Variants in ZNF622 observed in about 807,000 individuals in gnomAD.
ZNF622 encodes cytoplasmic 60S subunit biogenesis factor ZNF622.
In ZNF622, 34 loss-of-function variants were observed where a neutral mutation model predicts 49.7. The ratio of observed to expected loss-of-function variants is 0.68; its 90% confidence interval spans 0.52 to 0.91. The LOEUF (loss-of-function observed/expected upper bound fraction) is 0.91, where lower values mean the gene tolerates loss of function less well. Among genes scored for constraint, ZNF622 ranks in the 40% least tolerant of loss-of-function variants. The pLI is 0.00. For missense variants in ZNF622, 569 were observed against 616.4 expected, an observed-to-expected ratio of 0.92 and a Z score of 0.81; for synonymous variants, 209 against 228.7, an observed-to-expected ratio of 0.91 and a Z score of 0.78.
chr5:16,458,072 G>C (rs1170465927), intron 4 of ZNF622, among the ~76,000 whole-genome samples: 2 of 151,824 alleles, frequency 1.3e-5, no homozygotes, highest in East Asian at 3.9e-4. Context: ...CATACCTCAT[G>C]GTGGCTAAAT....
intron 1 of ZNF622, among the ~76,000 whole-genome samples, 166 bp downstream of exon 1, chr5:16,464,875 C>T (rs1738186991): frequency 6.6e-6 from 1 of 152,210 alleles, no homozygotes; most frequent in African/African-American, 2.4e-5. Flanking sequence ...ACAGCCAAAC[C>T]TGCTGGCCAG....
Position 16,451,716 on chromosome 5 carries a change from T to C in ZNF622, c.1375A>G (p.Thr459Ala). Residue 459 changes from threonine (T) to alanine (A), a missense_variant, in exon 6 of 6, where the codon ACA becomes GCA. By Grantham distance (58) the Thr-to-Ala change is moderately conservative. Transcript: ENST00000308683. Reference sequence around the variant, plus strand: ...TTGGTGGCATTGTTCTTCATTCCTGTCTTCAGCATCCATTTTGATTTCATC... The same window carrying C: ...TTGGTGGCATTGTTCTTCATTCCTGCCTTCAGCATCCATTTTGATTTCATC... The part of the protein sequence containing the change: ...QRMKSKWMLK[T>A]GMKNNATKQM... The C allele has an allele frequency of 1.2e-6, 2 of 1,614,188 alleles. No homozygotes were observed. The highest frequency in any genetic ancestry group is 2.2e-5 in the East Asian group (1 of 44,878).
At chr5:16,460,838 G>A (rs1170601148) in intron 3 of ZNF622, among the ~76,000 whole-genome samples, 1 of 152,094 alleles carries the variant, frequency 6.6e-6, no homozygotes, top group African/African-American at 2.4e-5. Context: ...CTGGACTAAG[G>A]GAGAACCGTT....
intron 4 of ZNF622, among the ~76,000 whole-genome samples, chr5:16,457,419 T>C (rs1471331627): frequency 6.6e-6 from 1 of 152,128 alleles, no homozygotes; most frequent in Non-Finnish European, 1.5e-5. Context: ...CTAGAAAAGG[T>C]TCTCTGGGAT....
At chr5:16,454,958 G>C (rs1477676922) in intron 4 of ZNF622, among the ~76,000 whole-genome samples, 1 of 152,172 alleles carries the variant, frequency 6.6e-6, no homozygotes, top group Non-Finnish European at 1.5e-5. Flanking sequence ...CTCCAAAGGT[G>C]GTCATCAGCA....
Position 16,453,148 on chromosome 5 carries a change from C to A in ZNF622, c.1171G>T (p.Val391Leu). 1 of 1,501,908 alleles carries A rather than the reference C, an allele frequency of 6.7e-7. No homozygotes were observed. Among genetic ancestry groups the A allele is most frequent in the Admixed American group, 2.1e-5 (1 of 46,740 alleles). 93.0% of individuals were successfully genotyped at this position (1,501,908 alleles called of 1,614,324 possible). Reference protein sequence around the residue: ...MELILPSGARVGHRSLMRYYK... With the variant: ...MELILPSGARLGHRSLMRYYK... ...TATCTCATCAAGGAGCGATGACCCA[C>A]TCTGGCACCTGTTTTTCAAAAGAGC... The change falls in exon 5 of 6, where the codon GTG becomes TTG. Residue 391 changes from valine to leucine, a missense_variant. Coordinates refer to ENST00000308683, the MANE Select transcript of ZNF622 (RefSeq NM_033414.3).
chr5:16,464,543 G>T (rs1328241687), intron 1 of ZNF622, among the ~76,000 whole-genome samples: 3 of 152,228 alleles, frequency 2.0e-5, no homozygotes, highest in African/African-American at 7.2e-5. Context: ...GATGTGGGAT[G>T]AGGGAAGTAA....
At chr5:16,453,602 T>TATATAC (rs61226771) in intron 4 of ZNF622, among the ~76,000 whole-genome samples, 4 of 128,678 alleles carry the variant, frequency 3.1e-5, no homozygotes, top group Non-Finnish European at 6.6e-5. Flanking sequence ...TATATATATA[T>TATATAC]GAAGAAGATT....
chr5:16,452,513 C>T (rs1737949906), intron 5 of ZNF622, among the ~76,000 whole-genome samples: 1 of 152,206 alleles, frequency 6.6e-6, no homozygotes, highest in South Asian at 2.1e-4. Flanking sequence ...ATCACACATG[C>T]ATGACATTCA....
chr5:16,451,733 G>A lies in ZNF622; in HGVS notation c.1358C>T (p.Ser453Leu). 1.9e-6 allele frequency: 3 copies of A among 1,614,076 alleles called. No individual in the cohort carries two copies. In the South Asian group the frequency reaches 3.3e-5, roughly 18 times the overall value. The change falls in exon 6 of 6, where the codon TCA (serine) becomes TTA (leucine). Residue 453 changes from serine to leucine, a missense_variant. Transcript: ENST00000308683. ...RDMQYVQRMK[S>L]KWMLKTGMKN... ...CATTCCTGTCTTCAGCATCCATTTT[G>A]ATTTCATCCTTTGGACATACTGCAT...
At chr5:16,455,557 T>C (rs1738012380) in intron 4 of ZNF622, among the ~76,000 whole-genome samples, 1 of 152,182 alleles carries the variant, frequency 6.6e-6, no homozygotes, top group African/African-American at 2.4e-5. Context: ...ACAAAGCTCT[T>C]AGACCACAGG....
At position 16,465,449 on chromosome 5, in the gene ZNF622, T is replaced by C. The variant is rs1163284593; in HGVS notation, c.217A>G (p.Ser73Gly). Reference protein sequence around the residue: ...KGSATYCTVCSKKFASFNAYE... With the variant: ...KGSATYCTVCGKKFASFNAYE... Reference sequence around the variant, plus strand: ...GCGTTGAAAGAGGCAAACTTCTTACTGCAAACGGTGCAGTAGGTGGCCGAG... The same window carrying C: ...GCGTTGAAAGAGGCAAACTTCTTACCGCAAACGGTGCAGTAGGTGGCCGAG... The change falls in exon 1 of 6, where the codon AGT becomes GGT. Residue 73 changes from serine to glycine, a missense_variant. By Grantham distance (56) the Ser-to-Gly change is moderately conservative. Transcript: ENST00000308683. This position sits in a 1 kb window ranked among gnomAD's most constrained non-coding sequence, Gnocchi z 6.2. 3 of 1,614,144 alleles carry C rather than the reference T, an allele frequency of 1.9e-6. No homozygotes were observed. The highest frequency in any genetic ancestry group is 1.7e-5 in the Admixed American group (1 of 60,018).
intron 4 of ZNF622, 97 bp downstream of exon 4, chr5:16,458,419 TG>T: frequency 1.2e-6 from 1 of 834,440 alleles, no homozygotes; most frequent in Non-Finnish European, 1.9e-6. Flanking sequence ...TTTAAGCTTA[TG>T]GTCTATTTCC....
chr5:16,463,581 A>G lies in ZNF622; in HGVS notation c.787T>C (p.Ser263Pro). 6.2e-7 allele frequency: 1 copy of G among 1,614,246 alleles called. No homozygotes were observed. Among genetic ancestry groups the G allele is most frequent in the East Asian group, 2.2e-5 (1 of 44,884 alleles). The change falls in exon 2 of 6, where the codon TCG becomes CCG. Residue 263 changes from serine (S) to proline (P), a missense_variant. Ser to Pro is a moderately conservative substitution (Grantham distance 74). Coordinates refer to ENST00000308683, the MANE Select transcript of ZNF622 (RefSeq NM_033414.3). The surrounding 1 kb of genome is among the most constrained non-coding windows in gnomAD (Gnocchi z 4.2). ...ATGTGAGCCACATTCTTCATCAGCG[A>G]GCTGGAATGATGGGAACAAAATAAG... Reference protein sequence around the residue: ...DCLFCSHHSSSLMKNVAHMTK... With the variant: ...DCLFCSHHSSPLMKNVAHMTK...
chr5:16,464,443 T>C (rs1448648066), intron 1 of ZNF622, among the ~76,000 whole-genome samples: 1 of 152,230 alleles, frequency 6.6e-6, no homozygotes, highest in Non-Finnish European at 1.5e-5. Context: ...AATACATTTA[T>C]GTTGTTCATA....
chr5:16,463,790 A>T lies in ZNF622; in HGVS notation c.626-48T>A. ...ATAAAGTTTAAGAAAAGTAGTAGCA[A>T]GCAAAGATATCACAAAAATTCACGA... On this transcript the variant is annotated intron_variant, in intron 1 of 5. Transcript: ENST00000308683. The surrounding 1 kb of genome is among the most constrained non-coding windows in gnomAD (Gnocchi z 4.2). 1 of 1,585,970 alleles carries T rather than the reference A, an allele frequency of 6.3e-7. No individual in the cohort carries two copies. The highest frequency in any genetic ancestry group is 8.6e-7 in the Non-Finnish European group (1 of 1,164,704).
chr5:16,464,948 AACAC>A, intron 1 of ZNF622, 89 bp downstream of exon 1: 6 of 1,455,394 alleles, frequency 4.1e-6, no homozygotes, highest in Non-Finnish European at 5.5e-6. Context: ...AAAGCTCTCA[AACAC>A]ACACACACAC....
At chr5:16,453,514 G>A (rs960657635) in intron 4 of ZNF622, among the ~76,000 whole-genome samples, 6 of 143,636 alleles carry the variant, frequency 4.2e-5, no homozygotes, top group Non-Finnish European at 7.5e-5. Context: ...AGGGGCCTAG[G>A]AGATAAGAGA....
In ZNF622 at chr5:16,453,076, T is replaced by C. The variant is rs752903632; in HGVS notation, c.1243A>G (p.Asn415Asp). Residue 415 changes from asparagine (N) to aspartate (D), a missense_variant, in exon 5 of 6, where the codon AAT (asparagine) becomes GAT (aspartate). Transcript: ENST00000308683. ...AGTACTCGGCCCACGGCCTTCCGAT[T>C]TTTGGCAACTGCCACAGCTCTTGAC... ...GLSRAVAVAK[N>D]RKAVGRVLQQ... 1.9e-6 allele frequency: 3 copies of C among 1,588,348 alleles called. No individual in the cohort carries two copies. The highest frequency in any genetic ancestry group is 2.6e-6 in the Non-Finnish European group (3 of 1,164,496).
Sources: gnomAD v4.1 joint callset for allele counts (sites outside exome capture counted in the v4.1 genomes callset) on GRCh38, gnomAD v4.1.1 for gene constraint, Gnocchi (gnomAD v3.1) non-coding constraint, MANE v1.5 for transcripts, NCBI Gene and HGNC (gene_info 2026-07-23, HGNC 2026-07-21) for gene names.